Variants in PTPRN2 observed in about 807,000 individuals in gnomAD.
PTPRN2 encodes protein tyrosine phosphatase receptor type N2, also known as receptor-type tyrosine-protein phosphatase N2.
A neutral mutation model predicts 118.8 loss-of-function variants in PTPRN2; 74 were observed. The ratio of observed to expected loss-of-function variants is 0.62; its 90% confidence interval spans 0.52 to 0.76. The LOEUF (loss-of-function observed/expected upper bound fraction) is 0.76, where lower values mean the gene tolerates loss of function less well. PTPRN2 is among the 30% of genes least tolerant of loss of function. PTPRN2 has a pLI of 0.00. For missense variants in PTPRN2, 1,481 were observed against 1,394.4 expected (o/e 1.06, Z -0.99); for synonymous variants, 641 against 608.0 (o/e 1.05, Z -0.80).
intron 3 of PTPRN2, among the ~76,000 whole-genome samples, chr7:158,212,904 A>G (rs936316470): frequency 6.6e-6 from 1 of 152,244 alleles, no homozygotes; most frequent in Non-Finnish European, 1.5e-5. Flanking sequence ...AAATGTTATG[A>G]CAAAGAGCTT....
chr7:157,717,859 A>G (rs1436513157), intron 12 of PTPRN2, among the ~76,000 whole-genome samples: 1 of 152,280 alleles, frequency 6.6e-6, no homozygotes, highest in African/African-American at 2.4e-5. Flanking sequence ...TTTACTACGG[A>G]AGGAGATTAA....
chr7:158,513,486 G>T (rs1277864126), intron 1 of PTPRN2, among the ~76,000 whole-genome samples: 1 of 152,198 alleles, frequency 6.6e-6, no homozygotes, highest in Non-Finnish European at 1.5e-5. Context: ...AACAGTCATT[G>T]GTTCCTTAAT....
At chr7:158,153,170 C>G (rs959716987) in intron 6 of PTPRN2, among the ~76,000 whole-genome samples, 1 of 152,160 alleles carries the variant, frequency 6.6e-6, no homozygotes, top group Non-Finnish European at 1.5e-5. Flanking sequence ...AGAGCCCAGG[C>G]CATCAAGCAT....
intron 12 of PTPRN2, among the ~76,000 whole-genome samples, chr7:157,840,279 CTGTG>C (rs1302082752): frequency 1.5e-5 from 2 of 131,002 alleles, no homozygotes; most frequent in Non-Finnish European, 3.2e-5. Flanking sequence ...CCGCGTGTGA[CTGTG>C]TGACCGTGTG....
chr7:158,110,800 A>T, intron 10 of PTPRN2, 29 bp downstream of exon 10: 1 of 1,555,742 alleles, frequency 6.4e-7, no homozygotes, highest in Non-Finnish European at 8.7e-7. Flanking sequence ...AACAGGAGCC[A>T]AACAGAAACC....
At chr7:158,021,089 A>G (rs923396660) in intron 11 of PTPRN2, among the ~76,000 whole-genome samples, 1 of 152,214 alleles carries the variant, frequency 6.6e-6, no homozygotes, top group Non-Finnish European at 1.5e-5. Flanking sequence ...CTGCTTTACC[A>G]AGACAAACAC....
chr7:158,487,077 T>TC (rs1821086081), intron 2 of PTPRN2, among the ~76,000 whole-genome samples: 1 of 152,084 alleles, frequency 6.6e-6, no homozygotes, highest in South Asian at 2.1e-4. Flanking sequence ...AGCCTCAAGC[T>TC]CCCCCCATGT....
chr7:157,757,474 G>A (rs965500942), intron 12 of PTPRN2, among the ~76,000 whole-genome samples: 12 of 152,146 alleles, frequency 7.9e-5, no homozygotes, highest in Non-Finnish European at 1.6e-4. Context: ...CGGCAGGCGC[G>A]GGCAGGGCCG....
rs1371888281 is a variant in PTPRN2 at position 157,587,570 on chromosome 7, T to C, written c.2496+7668A>G. Among the ~76,000 whole-genome samples the C allele has an allele frequency of 1.3e-5, 2 of 152,242 alleles. No homozygotes were observed. The highest frequency in any genetic ancestry group is 6.5e-5 in the Admixed American group (1 of 15,278). ...CCCCAGCTGAGGCTTCATCACAGAA[T>C]ACTTTTAGAAAGCAGAAACTAGAAA... On this transcript the variant is annotated intron_variant, in intron 17 of 22. Transcript: ENST00000389418. This position sits in a 1 kb window ranked among gnomAD's most constrained non-coding sequence, Gnocchi z 5.3.
chr7:157,969,911 A>G (rs1802202365), intron 11 of PTPRN2, among the ~76,000 whole-genome samples: 1 of 152,092 alleles, frequency 6.6e-6, no homozygotes, highest in Admixed American at 6.5e-5. Context: ...ATAAGTGAGT[A>G]GCAAAAACAA....
At chr7:158,550,659 T>G (rs1388136130) in intron 1 of PTPRN2, among the ~76,000 whole-genome samples, 1 of 152,254 alleles carries the variant, frequency 6.6e-6, no homozygotes, top group Non-Finnish European at 1.5e-5. Flanking sequence ...TTTCAGCCTC[T>G]TCGTTTATTC....
chr7:158,267,234 C>T (rs927261324), intron 3 of PTPRN2, among the ~76,000 whole-genome samples: 6 of 152,324 alleles, frequency 3.9e-5, no homozygotes, highest in Admixed American at 1.3e-4. Flanking sequence ...AGCCGAGCAG[C>T]GAGGCACTGT....
At chr7:158,429,652 A>C (rs1363201842) in intron 2 of PTPRN2, among the ~76,000 whole-genome samples, 1 of 152,234 alleles carries the variant, frequency 6.6e-6, no homozygotes, top group Non-Finnish European at 1.5e-5. Flanking sequence ...AGAGGAAAGA[A>C]CTCAGCTCCA....
intron 3 of PTPRN2, among the ~76,000 whole-genome samples, chr7:158,290,247 G>A (rs1800029316): frequency 6.6e-6 from 1 of 152,134 alleles, no homozygotes; most frequent in Non-Finnish European, 1.5e-5. Context: ...TCTGGAGCCT[G>A]GAGCACTGGG....
chr7:157,697,279 C>A (rs1797838215), intron 12 of PTPRN2, among the ~76,000 whole-genome samples: 1 of 144,564 alleles, frequency 6.9e-6, no homozygotes. Context: ...AGATTCCTCA[C>A]CATCTACCCA....
At chr7:158,171,409 C>T (rs1435182843) in intron 5 of PTPRN2, among the ~76,000 whole-genome samples, 43 of 147,090 alleles carry the variant, frequency 2.9e-4, no homozygotes, top group Middle Eastern at 3.6e-3. Flanking sequence ...AGTGCAATGG[C>T]GTGATCTTGG....
At chr7:157,725,273 G>A (rs377604444) in intron 12 of PTPRN2, among the ~76,000 whole-genome samples, 2,466 of 124,128 alleles carry the variant, frequency 0.02, 97 homozygotes, top group East Asian at 0.075. Context: ...CCAGACCCTG[G>A]CCTCCCAGGA....
At chr7:158,475,638 G>C (rs892364920) in intron 2 of PTPRN2, among the ~76,000 whole-genome samples, 4 of 152,136 alleles carry the variant, frequency 2.6e-5, no homozygotes, top group Non-Finnish European at 2.9e-5. Flanking sequence ...ACATGCCCCT[G>C]CTGGGCTCAC....
chr7:157,751,397 T>G (rs912436085), intron 12 of PTPRN2, among the ~76,000 whole-genome samples: 1 of 152,172 alleles, frequency 6.6e-6, no homozygotes, highest in Non-Finnish European at 1.5e-5. Context: ...GAAGGCACCA[T>G]GCATTTAAAT....
Sources: allele counts gnomAD v4.1 joint callset (sites outside exome capture counted in the v4.1 genomes callset), GRCh38; gene constraint gnomAD v4.1.1; non-coding constraint Gnocchi (gnomAD v3.1); transcripts MANE v1.5; gene names NCBI Gene and HGNC (gene_info 2026-07-23, HGNC 2026-07-21).